MNAT1: variants seen among roughly 807,000 people sequenced by gnomAD.
MNAT1 encodes the protein CDK-activating kinase assembly factor MAT1.
A neutral mutation model predicts 42.0 loss-of-function variants in MNAT1; 43 were observed. That is an observed-to-expected ratio of 1.02 (90% confidence interval 0.80 to 1.32). The LOEUF is 1.32. MNAT1 is among the 40% of genes most tolerant of loss of function. The probability of loss-of-function intolerance (pLI) is 0.00; values close to 1 mark genes in which losing one functional copy is unlikely to be tolerated. For missense variants in MNAT1, 306 were observed against 350.4 expected, an observed-to-expected ratio of 0.87 and a Z score of 1.01; for synonymous variants, 118 against 120.0, an observed-to-expected ratio of 0.98 and a Z score of 0.11.
intron 7 of MNAT1, among the ~76,000 whole-genome samples, chr14:60,941,224 T>A (rs2036152904): frequency 6.6e-6 from 1 of 152,216 alleles, no homozygotes; most frequent in Non-Finnish European, 1.5e-5. Context: ...AATATTTCTC[T>A]GGCTAGTCCA....
rs183987676 is a variant in MNAT1 at position 60,913,489 on chromosome 14, G to A, written c.809+33654G>A. Among the ~76,000 whole-genome samples, 408 of 152,196 alleles carry A rather than the reference G, an allele frequency of 2.7e-3. 3 individuals carry two copies. Among genetic ancestry groups the A allele is most frequent in the African/African-American group, 9.3e-3 (385 of 41,492 alleles). On this transcript the variant is annotated intron_variant, in intron 7 of 7. Coordinates refer to ENST00000261245, the MANE Select transcript of MNAT1 (RefSeq NM_002431.4). The stretch of plus-strand genomic sequence containing the variant: ...ACCTTGGGTCTTTGATGATGGTGGC[G>A]TCCAGATGGGTTTTTGGTGTGGATG...
At chr14:60,923,693 A>T (rs549614969) in intron 7 of MNAT1, among the ~76,000 whole-genome samples, 1 of 152,270 alleles carries the variant, frequency 6.6e-6, no homozygotes, top group Admixed American at 6.5e-5. Context: ...TAACGGATGG[A>T]CATGGCATGG....
At chr14:60,926,556 T>A (rs117584685) in intron 7 of MNAT1, among the ~76,000 whole-genome samples, 2,432 of 152,284 alleles carry the variant, frequency 0.016, 42 homozygotes, top group Non-Finnish European at 0.024. Flanking sequence ...TTTATCCAAC[T>A]ATTATAAGGG....
chr14:60,841,443 CAT>C (rs1175344679), intron 6 of MNAT1, among the ~76,000 whole-genome samples: 1 of 151,802 alleles, frequency 6.6e-6, no homozygotes, highest in Non-Finnish European at 1.5e-5. Flanking sequence ...ACATACAACA[CAT>C]AAAGTTGTGT....
intron 7 of MNAT1, among the ~76,000 whole-genome samples, chr14:60,909,797 G>A (rs2035305444): frequency 1.3e-5 from 2 of 152,086 alleles, no homozygotes; most frequent in Admixed American, 6.6e-5. Flanking sequence ...GGATTGACTT[G>A]GCGATGCGGG....
At chr14:60,850,638 T>A (rs2033801306) in intron 6 of MNAT1, among the ~76,000 whole-genome samples, 2 of 152,194 alleles carry the variant, frequency 1.3e-5, no homozygotes, top group South Asian at 2.1e-4. Context: ...TACAGTGTAT[T>A]GTTTGTGAGA....
chr14:60,744,900 A>AT (rs1314780656), intron 1 of MNAT1, among the ~76,000 whole-genome samples: 1 of 152,150 alleles, frequency 6.6e-6, no homozygotes, highest in Non-Finnish European at 1.5e-5. Context: ...AACTCTAGGT[A>AT]TACCCAGTAC....
chr14:60,856,610 A>C (rs2033964369), intron 6 of MNAT1, among the ~76,000 whole-genome samples: 1 of 152,068 alleles, frequency 6.6e-6, no homozygotes, highest in Admixed American at 6.6e-5. Context: ...AAGTTTCAAA[A>C]GGCAAGGCTG....
chr14:60,812,131 T>G lies in MNAT1; in HGVS notation c.561+4T>G. ...GCAGGCTTTTTTAGATGAGCTGGTA[T>G]GTATTAATGCTAATTGTGATTGTAA... On this transcript the variant is annotated splice_donor_region_variant and intron_variant, in intron 5 of 7. Coordinates refer to ENST00000261245, the MANE Select transcript of MNAT1 (RefSeq NM_002431.4). 3 of 1,576,540 alleles carry G rather than the reference T, an allele frequency of 1.9e-6. No homozygotes were observed. Among genetic ancestry groups the G allele is most frequent in the South Asian group, 2.4e-5 (2 of 81,852 alleles).
At chr14:60,775,385 G>T (rs1370049967) in intron 1 of MNAT1, among the ~76,000 whole-genome samples, 2 of 152,210 alleles carry the variant, frequency 1.3e-5, no homozygotes, top group African/African-American at 4.8e-5. Context: ...ATGAGTTAAA[G>T]AGAATGGGAC....
intron 1 of MNAT1, among the ~76,000 whole-genome samples, chr14:60,768,290 G>A (rs996619296): frequency 1.4e-4 from 21 of 152,132 alleles, no homozygotes; most frequent in Non-Finnish European, 2.2e-4. Context: ...TAAGAGCTCC[G>A]GAATGTGTCT....
At chr14:60,959,425 A>G (rs564375915) in intron 7 of MNAT1, among the ~76,000 whole-genome samples, 71 of 152,278 alleles carry the variant, frequency 4.7e-4, no homozygotes, top group Admixed American at 2.0e-3. Flanking sequence ...CTCTTCAGCA[A>G]TCTGGGTGGG....
At chr14:60,794,712 A>G (rs997534161) in intron 1 of MNAT1, among the ~76,000 whole-genome samples, 11 of 146,630 alleles carry the variant, frequency 7.5e-5, no homozygotes, top group African/African-American at 2.5e-4. Context: ...GTGTGTATAT[A>G]TATGTCTGTG....
intron 6 of MNAT1, among the ~76,000 whole-genome samples, chr14:60,863,856 G>T (rs939260948): frequency 6.6e-6 from 1 of 151,980 alleles, no homozygotes; most frequent in East Asian, 1.9e-4. Context: ...TGATTTAAAG[G>T]ATTGATTAGT....
chr14:60,805,923 GAGTATGTTT>G (rs1197459751), intron 3 of MNAT1, among the ~76,000 whole-genome samples: 4 of 152,152 alleles, frequency 2.6e-5, no homozygotes, highest in Non-Finnish European at 4.4e-5. Flanking sequence ...TTATATGATA[GAGTATGTTT>G]AGTTTTGTTA....
chr14:60,848,338 T>C (rs377645737), intron 6 of MNAT1, among the ~76,000 whole-genome samples: 146 of 152,340 alleles, frequency 9.6e-4, no homozygotes, highest in African/African-American at 3.4e-3. Flanking sequence ...AGATTTTCTC[T>C]TTGTGTTCAT....
chr14:60,800,598 T>C (rs1224743115), intron 3 of MNAT1, among the ~76,000 whole-genome samples: 2 of 152,136 alleles, frequency 1.3e-5, no homozygotes, highest in African/African-American at 4.8e-5. Flanking sequence ...ATGGCCTATA[T>C]AAGGAAGAAG....
chr14:60,963,053 C>A (rs1025187648), intron 7 of MNAT1, among the ~76,000 whole-genome samples: 4 of 152,102 alleles, frequency 2.6e-5, no homozygotes, highest in Middle Eastern at 3.2e-3. Flanking sequence ...GTGATCTTGG[C>A]TCGCTGCGAC....
intron 1 of MNAT1, among the ~76,000 whole-genome samples, chr14:60,768,182 T>C (rs953293887): frequency 1.3e-5 from 2 of 152,212 alleles, no homozygotes; most frequent in Non-Finnish European, 2.9e-5. Flanking sequence ...TTTATAGGCG[T>C]GAGCCACCGC....
Sources: gnomAD v4.1 joint callset for allele counts (sites outside exome capture counted in the v4.1 genomes callset) on GRCh38, gnomAD v4.1.1 for gene constraint, MANE v1.5 for transcripts, NCBI Gene and HGNC (gene_info 2026-07-23, HGNC 2026-07-21) for gene names.